REDIC1: variants seen among roughly 807,000 people sequenced by gnomAD.
The protein encoded by REDIC1 is HEI10 Interacting Protein 1.
the REDIC1 span, among the ~76,000 whole-genome samples, chr12:39,763,301 T>C: frequency 6.6e-6 from 1 of 152,182 alleles, no homozygotes; most frequent in African/African-American, 2.4e-5. Context: ...TTTATGAAGA[T>C]AATAAAAGCA....
At chr12:39,662,437 G>A in the REDIC1 span, among the ~76,000 whole-genome samples, 1 of 151,804 alleles carries the variant, frequency 6.6e-6, no homozygotes, top group African/African-American at 2.4e-5. Context: ...TTTTCAGATA[G>A]TTCATTATTG....
At chr12:39,710,486 C>A in the REDIC1 span, among the ~76,000 whole-genome samples, 1 of 151,748 alleles carries the variant, frequency 6.6e-6, no homozygotes. Context: ...TTCATCATCT[C>A]ACTTCTCTTT....
the REDIC1 span, chr12:39,754,298 A>C: frequency 6.6e-6 from 1 of 152,086 alleles, no homozygotes; most frequent in Non-Finnish European, 1.5e-5. Context: ...ACTGATACTG[A>C]CATGTTCTGC....
chr12:39,706,428 C>G, the REDIC1 span, among the ~76,000 whole-genome samples: 1 of 151,952 alleles, frequency 6.6e-6, no homozygotes, highest in Non-Finnish European at 1.5e-5. Flanking sequence ...ATACCAATGA[C>G]ATTATTAACA....
chr12:39,650,225 A>ATTT, the REDIC1 span: 2 of 1,433,464 alleles, frequency 1.4e-6, no homozygotes, highest in Non-Finnish European at 1.9e-6. This position sits in a 1 kb window ranked among gnomAD's most constrained non-coding sequence, Gnocchi z 4.3. Flanking sequence ...GTTTCTTCAA[A>ATTT]TTTTTTTTTT....
chr12:39,699,122 A>G, the REDIC1 span, among the ~76,000 whole-genome samples: 1 of 152,202 alleles, frequency 6.6e-6, no homozygotes, highest in Admixed American at 6.5e-5. Flanking sequence ...ATGTAAATAA[A>G]TAAAATCAGA....
the REDIC1 span, among the ~76,000 whole-genome samples, chr12:39,741,247 C>T: frequency 2.0e-5 from 3 of 152,188 alleles, no homozygotes; most frequent in Non-Finnish European, 1.5e-5. Flanking sequence ...ATTAAATTTA[C>T]ATCTGTATTA....
At chr12:39,759,433 T>G in the REDIC1 span, 2 of 152,460 alleles carry the variant, frequency 1.3e-5, no homozygotes, top group African/African-American at 4.8e-5. Flanking sequence ...ATATCTGAAT[T>G]GGAGAGAAAC....
At chr12:39,904,436 C>T in the REDIC1 span, among the ~76,000 whole-genome samples, 4 of 152,098 alleles carry the variant, frequency 2.6e-5, no homozygotes, top group Non-Finnish European at 4.4e-5. Flanking sequence ...GTGAGCAGGT[C>T]TTTCTAAGGA....
chr12:39,686,746 A>G, the REDIC1 span, among the ~76,000 whole-genome samples: 2 of 152,176 alleles, frequency 1.3e-5, no homozygotes, highest in Non-Finnish European at 2.9e-5. Context: ...CCAGGCTGCA[A>G]ATTTTCCAAA....
the REDIC1 span, among the ~76,000 whole-genome samples, chr12:39,693,417 T>C: frequency 2.2e-5 from 3 of 134,266 alleles, no homozygotes; most frequent in Admixed American, 7.4e-5. Flanking sequence ...AACATGAGTA[T>C]TTTTTTTTTT....
At chr12:39,647,808 C>T in the REDIC1 span, 6 of 1,589,720 alleles carry the variant, frequency 3.8e-6, no homozygotes, top group South Asian at 1.1e-5. Flanking sequence ...GGCATGGACT[C>T]ATATAGTATG....
the REDIC1 span, among the ~76,000 whole-genome samples, chr12:39,876,306 T>A: frequency 6.6e-6 from 1 of 152,356 alleles, no homozygotes; most frequent in African/African-American, 2.4e-5. Flanking sequence ...TGACAGTCTA[T>A]CCTAATGCTG....
chr12:39,768,612 G>A, the REDIC1 span, among the ~76,000 whole-genome samples: 1 of 152,000 alleles, frequency 6.6e-6, no homozygotes, highest in Non-Finnish European at 1.5e-5. Context: ...AGACAAAGAA[G>A]GAAACAGCTG....
chr12:39,869,977 T>C, the REDIC1 span, among the ~76,000 whole-genome samples: 9 of 152,190 alleles, frequency 5.9e-5, no homozygotes, highest in Non-Finnish European at 1.2e-4. Flanking sequence ...CATTCACAAA[T>C]GAGAAAATAG....
At chr12:39,755,586 G>A in the REDIC1 span, 1 of 151,978 alleles carries the variant, frequency 6.6e-6, no homozygotes, top group South Asian at 2.1e-4. Context: ...AAATGAGATG[G>A]AATAATGTTG....
the REDIC1 span, among the ~76,000 whole-genome samples, chr12:39,760,799 AGTTTGGTTTTCTAAGG>A: frequency 6.6e-6 from 1 of 151,982 alleles, no homozygotes; most frequent in Admixed American, 6.6e-5. Flanking sequence ...AATATTAGCT[AGTTTGGTTTTCTAAGG>A]GTCATGATAG....
the REDIC1 span, among the ~76,000 whole-genome samples, chr12:39,697,910 A>G: frequency 1.3e-5 from 2 of 152,234 alleles, no homozygotes; most frequent in African/African-American, 4.8e-5. Flanking sequence ...TTACTTATCA[A>G]TAATGACTTT....
chr12:39,734,432 A>C, the REDIC1 span, among the ~76,000 whole-genome samples: 1 of 152,220 alleles, frequency 6.6e-6, no homozygotes, highest in Admixed American at 6.5e-5. Context: ...TGATAAAATC[A>C]AATTTGTCTT....
Sources: allele counts gnomAD v4.1 joint callset (sites outside exome capture counted in the v4.1 genomes callset), GRCh38; gene constraint gnomAD v4.1.1; non-coding constraint Gnocchi (gnomAD v3.1); transcripts MANE v1.5; gene names NCBI Gene and HGNC (gene_info 2026-07-23, HGNC 2026-07-21).